PDE11A: variants seen among roughly 807,000 people sequenced by gnomAD.
PDE11A encodes dual 3',5'-cyclic-AMP and -GMP phosphodiesterase 11A.
Under a neutral mutation model 100.5 loss-of-function variants are expected in PDE11A, and 100 were observed. The ratio of observed to expected loss-of-function variants is 1.00; its 90% CI spans 0.85 to 1.18. The LOEUF (loss-of-function observed/expected upper bound fraction) is 1.18, where lower values mean the gene tolerates loss of function less well. Ranked by LOEUF, PDE11A falls within the 50% of genes most tolerant of loss-of-function variation. PDE11A has a pLI of 0.00. For missense variants in PDE11A, 1,141 were observed against 1,152.6 expected, an observed-to-expected ratio of 0.99 and a Z score of 0.15; for synonymous variants, 381 against 420.8, an observed-to-expected ratio of 0.91 and a Z score of 1.16.
At chr2:178,043,954 G>A (rs184970054) in intron 1 of PDE11A, among the ~76,000 whole-genome samples, 168 of 152,278 alleles carry the variant, frequency 1.1e-3, no homozygotes, top group Non-Finnish European at 2.1e-3. Flanking sequence ...CTCTGTCCAT[G>A]CTGGTGTTTA....
chr2:178,040,555 T>C (rs2086671004), intron 1 of PDE11A, among the ~76,000 whole-genome samples: 2 of 152,194 alleles, frequency 1.3e-5, no homozygotes, highest in African/African-American at 4.8e-5. Context: ...TTGTTTTGAA[T>C]GCGCAGAGTT....
intron 10 of PDE11A, among the ~76,000 whole-genome samples, chr2:177,764,032 T>C (rs1333303737): frequency 6.6e-6 from 1 of 152,238 alleles, no homozygotes; most frequent in Non-Finnish European, 1.5e-5. Flanking sequence ...TATTATACAC[T>C]ATTTCATGGA....
chr2:177,972,606 G>A (rs2085785860), intron 2 of PDE11A, among the ~76,000 whole-genome samples: 1 of 152,130 alleles, frequency 6.6e-6, no homozygotes, highest in Non-Finnish European at 1.5e-5. Context: ...GGTTAGCAAG[G>A]GGGAATGAGT....
At chr2:177,846,216 C>G (rs576266259) in intron 5 of PDE11A, among the ~76,000 whole-genome samples, 1 of 152,244 alleles carries the variant, frequency 6.6e-6, no homozygotes, top group South Asian at 2.1e-4. Context: ...AATCAAATGT[C>G]CCCTTTGCTG....
chr2:177,636,188 T>C (rs2105439867), intron 19 of PDE11A, among the ~76,000 whole-genome samples: 1 of 152,316 alleles, frequency 6.6e-6, no homozygotes, highest in South Asian at 2.1e-4. Flanking sequence ...ACTGTTTAGA[T>C]TAAGGCCTTG....
upstream of PDE11A, among the ~76,000 whole-genome samples, chr2:178,075,896 A>G (rs1309956518): frequency 2.0e-5 from 3 of 152,160 alleles, no homozygotes; most frequent in African/African-American, 7.2e-5. Context: ...TGGTAAAGAA[A>G]ATAAAAATAT....
chr2:177,865,261 G>C (rs1048853718), intron 5 of PDE11A, among the ~76,000 whole-genome samples: 3 of 152,116 alleles, frequency 2.0e-5, no homozygotes, highest in Non-Finnish European at 4.4e-5. Context: ...CTGGGCAACA[G>C]AGTGAGACTC....
intron 1 of PDE11A, among the ~76,000 whole-genome samples, chr2:178,044,750 T>A (rs1212145049): frequency 6.6e-6 from 1 of 152,088 alleles, no homozygotes; most frequent in Non-Finnish European, 1.5e-5. Context: ...ATTTTATAAA[T>A]CATAAAGTGC....
chr2:177,842,019 CA>C (rs2083499461), intron 5 of PDE11A, among the ~76,000 whole-genome samples: 1 of 152,186 alleles, frequency 6.6e-6, no homozygotes, highest in African/African-American at 2.4e-5. Context: ...GCACCTCACA[CA>C]AAGATCTAAA....
At position 178,071,667 on chromosome 2, in the gene PDE11A, G is replaced by C. The variant is rs1052271430; in HGVS notation, c.771C>G (p.Phe257Leu). 1 of 1,613,444 alleles carries C rather than the reference G, an allele frequency of 6.2e-7. No homozygotes were observed. The highest frequency in any genetic ancestry group is 8.5e-7 in the Non-Finnish European group (1 of 1,179,470). ...AAGKKTLVSK[F>L]FDVHAGTPLL... ...GAGGTGTTCCTGCATGCACATCAAAGAATTTGGAGACCAAGGTCTTCTTGC... is the reference window on the plus strand; with the variant it reads ...GAGGTGTTCCTGCATGCACATCAAACAATTTGGAGACCAAGGTCTTCTTGC... The change falls in exon 1 of 20, where the codon TTC (phenylalanine) becomes TTG (leucine). Residue 257 changes from phenylalanine (F) to leucine (L), a missense_variant. Coordinates refer to ENST00000286063, the MANE Select transcript of PDE11A (RefSeq NM_016953.4).
chr2:177,867,980 T>C (rs964168227), intron 5 of PDE11A, among the ~76,000 whole-genome samples: 5 of 152,272 alleles, frequency 3.3e-5, no homozygotes, highest in East Asian at 1.9e-4. Flanking sequence ...CTACGTCTCA[T>C]GGGAGTCAAT....
chr2:177,840,688 A>G (rs931226715), intron 5 of PDE11A, among the ~76,000 whole-genome samples: 2 of 152,196 alleles, frequency 1.3e-5, no homozygotes, highest in Non-Finnish European at 1.5e-5. Flanking sequence ...TAACAATAAG[A>G]CACCAACAAC....
chr2:178,097,712 A>G (rs2087513006), intron 2 of PDE11A, among the ~76,000 whole-genome samples: 1 of 152,200 alleles, frequency 6.6e-6, no homozygotes, highest in African/African-American at 2.4e-5. Context: ...GCACAATCAG[A>G]CTTCAAAATA....
chr2:177,797,223 C>A (rs1049012817), intron 9 of PDE11A: 1 of 152,186 alleles, frequency 6.6e-6, no homozygotes, highest in Admixed American at 6.5e-5. Context: ...TGCTCTCCTG[C>A]AACTGATAGG....
At chr2:177,787,146 G>A (rs1350262505) in intron 9 of PDE11A, among the ~76,000 whole-genome samples, 4 of 144,590 alleles carry the variant, frequency 2.8e-5, no homozygotes, top group African/African-American at 1.0e-4. Context: ...GAGAAAGGTC[G>A]GGTTACCCAC....
intron 2 of PDE11A, among the ~76,000 whole-genome samples, chr2:177,956,811 CA>C (rs200108767): frequency 0.24 from 35,797 of 151,220 alleles, 4,294 homozygotes; most frequent in Middle Eastern, 0.28. Context: ...ATCGCAAGGA[CA>C]AAAAACCAAA....
At chr2:177,695,794 C>T (rs969669043) in intron 15 of PDE11A, among the ~76,000 whole-genome samples, 3 of 152,166 alleles carry the variant, frequency 2.0e-5, no homozygotes, top group Non-Finnish European at 2.9e-5. Flanking sequence ...TTGAGCTTTT[C>T]GTGTCTTAAG....
At position 177,624,188 on chromosome 2, in the gene PDE11A, T is replaced by C. The variant is rs1051412035; in HGVS notation, c.*5219A>G. ...ATAATGAAACTTCATTACAGTGGCATTGCCAGAGTTTTTAGGGTCCCAAAT... is the reference window on the plus strand; with the variant it reads ...ATAATGAAACTTCATTACAGTGGCACTGCCAGAGTTTTTAGGGTCCCAAAT... On this transcript the variant is annotated 3_prime_UTR_variant, in exon 20 of 20. Transcript: ENST00000286063. 6.6e-6 allele frequency: 1 copy of C among 152,046 alleles called. No individual in the cohort carries two copies. Among genetic ancestry groups the C allele is most frequent in the African/African-American group, 2.4e-5 (1 of 41,420 alleles). The allele number at this position is 152,046 out of a possible 1,614,324, so 9.4% of individuals were successfully genotyped here.
intron 1 of PDE11A, among the ~76,000 whole-genome samples, chr2:178,048,792 A>G (rs543826208): frequency 1.3e-5 from 2 of 152,330 alleles, no homozygotes; most frequent in East Asian, 1.9e-4. Flanking sequence ...CTGTTTCATA[A>G]GCCATAAATG....
Sources: allele counts gnomAD v4.1 joint callset (sites outside exome capture counted in the v4.1 genomes callset), GRCh38; gene constraint gnomAD v4.1.1; transcripts MANE v1.5; gene names NCBI Gene and HGNC (gene_info 2026-07-23, HGNC 2026-07-21).